Variants in CACNG3 observed in about 807,000 individuals in gnomAD.
CACNG3 encodes calcium voltage-gated channel auxiliary subunit gamma 3.
A neutral mutation model predicts 28.5 loss-of-function variants in CACNG3; 3 were observed. The observed-to-expected ratio is 0.11, with a 90% confidence interval of 0.05 to 0.27. The LOEUF (loss-of-function observed/expected upper bound fraction) is 0.27. Among genes scored for constraint, CACNG3 ranks in the 10% least tolerant of loss-of-function variants. The pLI is 1.00. For synonymous variants in CACNG3, 174 were observed against 162.2 expected (o/e 1.07, Z -0.55); for missense variants, 236 against 414.4 (o/e 0.57, Z 3.74).
chr16:24,353,753 A>G (rs1166449747), intron 2 of CACNG3, among the ~76,000 whole-genome samples: 3 of 152,190 alleles, frequency 2.0e-5, no homozygotes, highest in Non-Finnish European at 2.9e-5. Context: ...TGGGTATTCA[A>G]TGGGTGTTGT....
intron 1 of CACNG3, among the ~76,000 whole-genome samples, chr16:24,326,516 C>A (rs766556142): frequency 1.3e-5 from 2 of 152,242 alleles, no homozygotes; most frequent in African/African-American, 4.8e-5. Flanking sequence ...CCAAGACTAT[C>A]TTCACTGGAC....
chr16:24,334,308 C>T (rs1899671908), intron 1 of CACNG3, among the ~76,000 whole-genome samples: 1 of 152,100 alleles, frequency 6.6e-6, no homozygotes, highest in African/African-American at 2.4e-5. Flanking sequence ...AGAATTGGCC[C>T]TGTTTATGGG....
Position 24,276,198 on chromosome 16 carries a change from C to T in CACNG3, c.211+19233C>T, listed in dbSNP as rs141085603. Among the ~76,000 whole-genome samples the T allele has an allele frequency of 2.0e-4, 30 of 152,138 alleles. No individual in the cohort carries two copies. The East Asian group carries it at 3.3e-3, about 17-fold the overall frequency. ...CAGACATTAAAGAGATTTTCAAAAG[C>T]GTAAAAACAATTCTTCTCACTATTT... On this transcript the variant is annotated intron_variant, in intron 1 of 3. Coordinates refer to ENST00000005284, the MANE Select transcript of CACNG3 (RefSeq NM_006539.4).
intron 1 of CACNG3, among the ~76,000 whole-genome samples, chr16:24,334,229 C>G (rs1046605713): frequency 6.6e-6 from 1 of 152,162 alleles, no homozygotes; most frequent in South Asian, 2.1e-4. Context: ...CTAAGCTGGG[C>G]TTTTGGGGGC....
In CACNG3 at chr16:24,273,659, A is replaced by G. The variant is rs561545723; in HGVS notation, c.211+16694A>G. Among the ~76,000 whole-genome samples the G allele has an allele frequency of 7.7e-4, 117 of 152,316 alleles. 1 individual carries two copies. Among genetic ancestry groups the G allele is most frequent in the African/African-American group, 2.7e-3 (112 of 41,560 alleles). ...CATTGTGAAGCTGAGTCATTTTCTG[A>G]GATTACATTTTTCTCTTTGTGGTTT... On this transcript the variant is annotated intron_variant, in intron 1 of 3. Transcript: ENST00000005284.
chr16:24,303,840 C>T (rs925974566), intron 1 of CACNG3, among the ~76,000 whole-genome samples: 2 of 152,016 alleles, frequency 1.3e-5, no homozygotes, highest in Non-Finnish European at 2.9e-5. Flanking sequence ...GTAGCTTGAG[C>T]CTGGGAGGCA....
At chr16:24,308,638 T>C (rs890732902) in intron 1 of CACNG3, among the ~76,000 whole-genome samples, 1 of 151,954 alleles carries the variant, frequency 6.6e-6, no homozygotes, top group Non-Finnish European at 1.5e-5. Context: ...GAGGATCGCT[T>C]GTGCTCAGGA....
chr16:24,358,960 C>T (rs1458703556), intron 3 of CACNG3, among the ~76,000 whole-genome samples: 1 of 152,172 alleles, frequency 6.6e-6, no homozygotes, highest in East Asian at 1.9e-4. Context: ...GTGTGTGGCA[C>T]ATGGTAAGCG....
intron 2 of CACNG3, 71 bp downstream of exon 2, chr16:24,346,888 G>A: frequency 3.4e-6 from 4 of 1,189,048 alleles, no homozygotes; most frequent in Non-Finnish European, 5.0e-6. Context: ...AGCTGCCTCT[G>A]AGTCGGAGCT....
chr16:24,315,037 C>G (rs1899329991), intron 1 of CACNG3, among the ~76,000 whole-genome samples: 1 of 152,154 alleles, frequency 6.6e-6, no homozygotes. Context: ...GCCCACCTGA[C>G]AGTCAAAAGG....
chr16:24,351,628 AAGGGGAAGGGGAAG>A (rs1899942843), intron 2 of CACNG3, among the ~76,000 whole-genome samples: 1 of 100,126 alleles, frequency 1.0e-5, no homozygotes, highest in African/African-American at 4.3e-5. Flanking sequence ...GAAGGAGGGG[AAGGGGAAGGGGAAG>A]GGGAGGGGGA....
chr16:24,327,032 G>A (rs1457516662), intron 1 of CACNG3, among the ~76,000 whole-genome samples: 1 of 151,204 alleles, frequency 6.6e-6, no homozygotes, highest in African/African-American at 2.4e-5. Context: ...GATGAAGGAG[G>A]TGGCGGTAAA....
chr16:24,343,944 C>A (rs1383047359), intron 1 of CACNG3, among the ~76,000 whole-genome samples: 1 of 152,026 alleles, frequency 6.6e-6, no homozygotes, highest in Non-Finnish European at 1.5e-5. Context: ...AAAAAATTAG[C>A]CAGGCATGGT....
At chr16:24,330,540 G>A (rs1176814367) in intron 1 of CACNG3, among the ~76,000 whole-genome samples, 1 of 152,180 alleles carries the variant, frequency 6.6e-6, no homozygotes, top group Non-Finnish European at 1.5e-5. Flanking sequence ...CAGAATCTTG[G>A]AGAAACCTGT....
At chr16:24,269,846 T>C (rs1898664089) in intron 1 of CACNG3, among the ~76,000 whole-genome samples, 1 of 150,700 alleles carries the variant, frequency 6.6e-6, no homozygotes, top group Non-Finnish European at 1.5e-5. Context: ...AAAATCTGTG[T>C]TATTTGTTCA....
At chr16:24,294,510 A>C (rs1292617419) in intron 1 of CACNG3, among the ~76,000 whole-genome samples, 1 of 152,012 alleles carries the variant, frequency 6.6e-6, no homozygotes, top group Non-Finnish European at 1.5e-5. Context: ...TGACTTACAC[A>C]CTCCACAAAG....
At chr16:24,288,223 GTGA>G (rs1015330421) in intron 1 of CACNG3, among the ~76,000 whole-genome samples, 1 of 152,154 alleles carries the variant, frequency 6.6e-6, no homozygotes, top group African/African-American at 2.4e-5. Flanking sequence ...GATAATGATA[GTGA>G]TGATGATGAT....
chr16:24,349,611 C>T (rs76147744), intron 2 of CACNG3, among the ~76,000 whole-genome samples: 8,510 of 152,202 alleles, frequency 0.056, 414 homozygotes, highest in African/African-American at 0.13. Flanking sequence ...ACGGCGCTGG[C>T]GAGAGTGTCT....
intron 1 of CACNG3, among the ~76,000 whole-genome samples, chr16:24,319,996 C>T (rs1391115630): frequency 6.6e-6 from 1 of 152,170 alleles, no homozygotes; most frequent in Non-Finnish European, 1.5e-5. Context: ...GTCTCGAACT[C>T]CTAACCAAGT....
Sources: gnomAD v4.1 joint callset for allele counts (sites outside exome capture counted in the v4.1 genomes callset) on GRCh38, gnomAD v4.1.1 for gene constraint, MANE v1.5 for transcripts, NCBI Gene and HGNC (gene_info 2026-07-23, HGNC 2026-07-21) for gene names.